DPH6: variants seen among roughly 807,000 people sequenced by gnomAD.
DPH6 encodes the protein diphthine--ammonia ligase.
Under a neutral mutation model 38.2 loss-of-function variants are expected in DPH6, and 33 were observed. The observed-to-expected ratio is 0.86, with a 90% CI of 0.65 to 1.15. The LOEUF is 1.15. DPH6 is among the 50% of genes most tolerant of loss of function. The probability of loss-of-function intolerance (pLI) is 0.00; values close to 1 mark genes in which losing one functional copy is unlikely to be tolerated. For synonymous variants in DPH6, 108 were observed against 103.0 expected, an observed-to-expected ratio of 1.05 and a Z score of -0.30; for missense variants, 325 against 320.0, an observed-to-expected ratio of 1.02 and a Z score of -0.12.
At chr15:35,500,873 T>G (rs1263841037) in intron 3 of DPH6, among the ~76,000 whole-genome samples, 5 of 152,092 alleles carry the variant, frequency 3.3e-5, no homozygotes, top group African/African-American at 1.2e-4. Flanking sequence ...CCTGAGTAGC[T>G]GGGATTACAG....
chr15:35,296,672 C>T (rs2052017307), intron 3 of DPH6, among the ~76,000 whole-genome samples: 2 of 152,290 alleles, frequency 1.3e-5, no homozygotes, highest in East Asian at 3.9e-4. Context: ...TTTCACATTA[C>T]ATTTATGATG....
Position 35,298,140 on chromosome 15 carries a change from A to C in DPH6, n.200+75381T>G, listed in dbSNP as rs1435191420. The C allele has an allele frequency of 8.1e-6, 3 of 372,552 alleles. No homozygotes were observed. The East Asian group carries it at 1.9e-4, about 24-fold the overall frequency. The allele number at this position is 372,552 out of a possible 1,614,324, so 23.1% of individuals were successfully genotyped here. On this transcript the variant is annotated intron_variant and non_coding_transcript_variant, in intron 3 of 3. Coordinates refer to the DPH6 transcript ENST00000560386. ...CATATATCTTACAAGTCCCTCCAAGAGTCTCAGTATGCAACAGTCATGGAG... is the reference window on the plus strand; with the variant it reads ...CATATATCTTACAAGTCCCTCCAAGCGTCTCAGTATGCAACAGTCATGGAG...
At chr15:35,357,111 C>A (rs558704228) in intron 3 of DPH6, among the ~76,000 whole-genome samples, 1 of 152,240 alleles carries the variant, frequency 6.6e-6, no homozygotes, top group Non-Finnish European at 1.5e-5. Context: ...CCTGTTGTGC[C>A]GTTTGCTAAG....
At chr15:35,429,603 A>C (rs1235718292) in intron 5 of DPH6, among the ~76,000 whole-genome samples, 1 of 152,114 alleles carries the variant, frequency 6.6e-6, no homozygotes, top group Non-Finnish European at 1.5e-5. Flanking sequence ...TATCAACTTC[A>C]TATTAGGTCC....
At chr15:35,296,400 A>G (rs776164303) in intron 3 of DPH6, among the ~76,000 whole-genome samples, 2 of 152,158 alleles carry the variant, frequency 1.3e-5, no homozygotes, top group Non-Finnish European at 2.9e-5. Context: ...TAAAATTTTT[A>G]TATCTCTTTC....
At chr15:35,243,979 T>C (rs1415599845) in intron 3 of DPH6, among the ~76,000 whole-genome samples, 1 of 152,186 alleles carries the variant, frequency 6.6e-6, no homozygotes, top group Non-Finnish European at 1.5e-5. Flanking sequence ...ATAAAGCAAA[T>C]ATTTTCAGTA....
intron 6 of DPH6, among the ~76,000 whole-genome samples, chr15:35,396,975 C>T (rs957643541): frequency 6.6e-6 from 1 of 152,104 alleles, no homozygotes; most frequent in African/African-American, 2.4e-5. Context: ...TTTGTCAAAC[C>T]TATAAGGAAG....
intron 3 of DPH6, among the ~76,000 whole-genome samples, chr15:35,356,902 A>C (rs1391466227): frequency 6.6e-6 from 1 of 152,204 alleles, no homozygotes; most frequent in Admixed American, 6.5e-5. Context: ...AGAGCCAGGC[A>C]GGCCTCCTTG....
At chr15:35,532,045 G>A (rs527449382) in intron 3 of DPH6, among the ~76,000 whole-genome samples, 29 of 152,292 alleles carry the variant, frequency 1.9e-4, no homozygotes, top group Non-Finnish European at 2.5e-4. Context: ...AATATGAGGT[G>A]AGAAGGGGTT....
At chr15:35,465,559 TC>T (rs1286027292) in intron 3 of DPH6, among the ~76,000 whole-genome samples, 2 of 152,188 alleles carry the variant, frequency 1.3e-5, no homozygotes, top group Non-Finnish European at 2.9e-5. Flanking sequence ...ATGAATATTA[TC>T]TTAAATAAAA....
chr15:35,470,632 T>G (rs561892478), intron 3 of DPH6, among the ~76,000 whole-genome samples: 1 of 152,258 alleles, frequency 6.6e-6, no homozygotes, highest in South Asian at 2.1e-4. Flanking sequence ...ACAAAACGCG[T>G]TGGCAGCACC....
the DPH6 span, among the ~76,000 whole-genome samples, chr15:35,194,596 A>G: frequency 6.6e-6 from 1 of 152,244 alleles, no homozygotes; most frequent in Non-Finnish European, 1.5e-5. Context: ...AACACAATGC[A>G]CAGCATGTGC....
chr15:35,503,924 T>C (rs1236758743), intron 3 of DPH6, among the ~76,000 whole-genome samples: 1 of 152,122 alleles, frequency 6.6e-6, no homozygotes, highest in Admixed American at 6.5e-5. Context: ...CGCTACGAAA[T>C]ACTTAATCCC....
At chr15:35,163,711 C>T in the DPH6 span, among the ~76,000 whole-genome samples, 1 of 151,864 alleles carries the variant, frequency 6.6e-6, no homozygotes, top group East Asian at 1.9e-4. Flanking sequence ...CCTTTGTGGA[C>T]TGCACTGGTC....
the DPH6 span, among the ~76,000 whole-genome samples, chr15:35,194,333 G>C: frequency 0.028 from 4,248 of 150,396 alleles, 78 homozygotes; most frequent in Middle Eastern, 0.044. Flanking sequence ...ATGAATACAG[G>C]GAGACCTGAA....
At position 35,410,899 on chromosome 15, in the gene DPH6, GC is replaced by G; in HGVS notation, c.506-4del. ...AAGATGCTTATCAGGATCTAAACCT[GC>G]CAAGAAAGGTTACATTTTTTAAAGA... On this transcript the variant is annotated splice_polypyrimidine_tract_variant and splice_region_variant and intron_variant, in intron 5 of 8. Coordinates refer to ENST00000256538, the MANE Select transcript of DPH6 (RefSeq NM_080650.4). 1 of 1,601,288 alleles carries G rather than the reference GC, an allele frequency of 6.2e-7. No homozygotes were observed. Among genetic ancestry groups the G allele is most frequent in the South Asian group, 1.1e-5 (1 of 89,536 alleles).
At chr15:35,393,595 G>C (rs1280220289) in intron 6 of DPH6, among the ~76,000 whole-genome samples, 1 of 152,132 alleles carries the variant, frequency 6.6e-6, no homozygotes, top group Non-Finnish European at 1.5e-5. Context: ...CTGTATCCTT[G>C]TGTAACATTC....
chr15:35,244,986 C>T (rs1178147540), intron 3 of DPH6, among the ~76,000 whole-genome samples: 1 of 152,022 alleles, frequency 6.6e-6, no homozygotes, highest in Non-Finnish European at 1.5e-5. Context: ...AGAAACATCA[C>T]GAAAGAATCT....
chr15:35,462,749 T>A (rs1193501938), intron 3 of DPH6, among the ~76,000 whole-genome samples: 2 of 152,234 alleles, frequency 1.3e-5, no homozygotes, highest in Non-Finnish European at 2.9e-5. Context: ...TAAATATTTA[T>A]GTTTAAAATG....
Sources: allele counts gnomAD v4.1 joint callset (sites outside exome capture counted in the v4.1 genomes callset), GRCh38; gene constraint gnomAD v4.1.1; transcripts MANE v1.5; gene names NCBI Gene and HGNC (gene_info 2026-07-23, HGNC 2026-07-21).